The following RELN variants were observed in gnomAD, a reference collection of about 807,000 sequenced individuals.
RELN encodes the protein reelin.
A neutral mutation model predicts 427.6 loss-of-function variants in RELN; 108 were observed. That is an observed-to-expected ratio of 0.25 (90% CI 0.22 to 0.30). The LOEUF is 0.30. Among genes scored for constraint, RELN ranks in the 10% least tolerant of loss-of-function variants. RELN has a pLI of 1.00. For missense variants in RELN, 3,715 were observed against 4,302.8 expected (o/e 0.86, Z 3.82); for synonymous variants, 1,524 against 1,513.4 (o/e 1.01, Z -0.16).
chr7:103,698,124 C>T, intron 9 of RELN, 31 bp from the exon 10 acceptor site: 1 of 1,613,056 alleles, frequency 6.2e-7, no homozygotes, highest in South Asian at 1.1e-5. Context: ...GCAAGTTTAG[C>T]AATGCTGACT....
At chr7:103,540,661 G>C (rs1830158199) in intron 43 of RELN, among the ~76,000 whole-genome samples, 2 of 152,090 alleles carry the variant, frequency 1.3e-5, no homozygotes, top group African/African-American at 4.8e-5. Context: ...CTGAAAAAAG[G>C]CAATTCTGCA....
intron 22 of RELN, among the ~76,000 whole-genome samples, chr7:103,604,834 T>TC (rs1831778373): frequency 6.7e-6 from 1 of 150,158 alleles, no homozygotes; most frequent in Non-Finnish European, 1.5e-5. Context: ...TATCTTTCTT[T>TC]TTTTTTTTTT....
intron 8 of RELN, among the ~76,000 whole-genome samples, chr7:103,710,334 T>G (rs1450045841): frequency 1.3e-5 from 2 of 152,178 alleles, no homozygotes; most frequent in African/African-American, 4.8e-5. Context: ...AGAAGCTGAG[T>G]TGGAAATACA....
intron 20 of RELN, among the ~76,000 whole-genome samples, chr7:103,627,004 C>T (rs2117326544): frequency 6.6e-6 from 1 of 152,090 alleles, no homozygotes; most frequent in African/African-American, 2.4e-5. Flanking sequence ...GACTGTAGTT[C>T]TTCTAATGAA....
intron 42 of RELN, 103 bp downstream of exon 42, chr7:103,545,021 T>G: frequency 1.3e-5 from 11 of 824,710 alleles, no homozygotes; most frequent in Non-Finnish European, 1.8e-5. Flanking sequence ...GAAATAATAA[T>G]GAGATATTAG....
At chr7:103,516,218 A>G (rs939587548) in intron 49 of RELN, among the ~76,000 whole-genome samples, 1 of 151,906 alleles carries the variant, frequency 6.6e-6, no homozygotes, top group African/African-American at 2.4e-5. Context: ...TTGAATTTAT[A>G]TTCATAACTC....
At chr7:103,561,784 G>C in intron 35 of RELN, 29 bp downstream of exon 35, 1 of 1,613,852 alleles carries the variant, frequency 6.2e-7, no homozygotes, top group Non-Finnish European at 8.5e-7. Context: ...GCGTTACAAA[G>C]AAAGAAACTG....
chr7:103,909,151 C>G (rs917106713), intron 2 of RELN, among the ~76,000 whole-genome samples: 1 of 152,068 alleles, frequency 6.6e-6, no homozygotes, highest in South Asian at 2.1e-4. Context: ...GAATATTAAG[C>G]CCTAAATATG....
At position 103,640,453 on chromosome 7, in the gene RELN, C is replaced by A. The variant is rs1832673466; in HGVS notation, c.2069+90G>T. The stretch of plus-strand genomic sequence containing the variant: ...TTTTTGTCTTAAAAAGATCCCCGAT[C>A]CTAAAAAAGGTTATTAAATGACTTG... On this transcript the variant is annotated intron_variant, in intron 17 of 64. Transcript: ENST00000428762. The surrounding 1 kb of genome is among the most constrained non-coding windows in gnomAD (Gnocchi z 4.1). The A allele has an allele frequency of 9.2e-6, 12 of 1,308,528 alleles. No homozygotes were observed. Among genetic ancestry groups the A allele is most frequent in the Non-Finnish European group, 1.2e-5 (11 of 907,184 alleles). 81.1% of individuals were successfully genotyped at this position (1,308,528 alleles called of 1,614,324 possible).
intron 34 of RELN, among the ~76,000 whole-genome samples, chr7:103,564,025 C>T (rs560666333): frequency 5.3e-5 from 8 of 152,330 alleles, no homozygotes; most frequent in South Asian, 2.1e-4. Context: ...GTATCACCAT[C>T]GTTAAGTGAT....
chr7:103,565,978 T>TA (rs869215909), intron 33 of RELN, among the ~76,000 whole-genome samples: 3 of 130 alleles, frequency 0.023, no homozygotes, highest in Non-Finnish European at 0.034. Context: ...CTCTCATAGA[T>TA]TTTTTTGCTC....
At chr7:103,810,479 C>A (rs1368856729) in intron 3 of RELN, among the ~76,000 whole-genome samples, 4 of 152,154 alleles carry the variant, frequency 2.6e-5, no homozygotes, top group Non-Finnish European at 5.9e-5. Flanking sequence ...CAGTTTCTTG[C>A]ATATGTTGGA....
intron 2 of RELN, among the ~76,000 whole-genome samples, chr7:103,840,818 G>T (rs897071284): frequency 6.6e-6 from 1 of 152,032 alleles, no homozygotes; most frequent in African/African-American, 2.4e-5. Flanking sequence ...TGCTTTCCCT[G>T]CTGCATGCTG....
At chr7:103,581,379 G>T (rs1469921143) in intron 28 of RELN, among the ~76,000 whole-genome samples, 1 of 152,038 alleles carries the variant, frequency 6.6e-6, no homozygotes, top group Non-Finnish European at 1.5e-5. Flanking sequence ...TTTATGTTGG[G>T]TAAGGGTAAA....
At chr7:103,730,685 G>T (rs552630369) in intron 6 of RELN, among the ~76,000 whole-genome samples, 3 of 152,230 alleles carry the variant, frequency 2.0e-5, no homozygotes, top group Admixed American at 2.0e-4. Flanking sequence ...CCACTGTGTG[G>T]TTGCTACCTC....
In RELN at chr7:103,539,260, C is replaced by G. The variant is rs1419575828; in HGVS notation, c.6998G>C (p.Arg2333Thr). Residue 2333 changes from arginine to threonine, a missense_variant, in exon 45 of 65, where the codon AGG becomes ACG. Physicochemically the swap from Arg to Thr is moderately conservative, Grantham distance 71. Coordinates refer to ENST00000428762, the MANE Select transcript of RELN (RefSeq NM_005045.4). Reference sequence around the variant, plus strand: ...GCCTCCTGGGTGAAGCAGCCATTTCCTACTATCAAGGGTTGTGAAATCATC... The same window carrying G: ...GCCTCCTGGGTGAAGCAGCCATTTCGTACTATCAAGGGTTGTGAAATCATC... The part of the protein sequence containing the change: ...LEDDFTTLDS[R>T]KWLLHPGGTK... The G allele has an allele frequency of 6.2e-7, 1 of 1,614,200 alleles. No homozygotes were observed. Among genetic ancestry groups the G allele is most frequent in the Admixed American group, 1.7e-5 (1 of 60,026 alleles).
At chr7:103,955,142 T>C (rs902220195) in intron 1 of RELN, among the ~76,000 whole-genome samples, 1 of 152,170 alleles carries the variant, frequency 6.6e-6, no homozygotes, top group African/African-American at 2.4e-5. Context: ...TACCTCAACC[T>C]TAAACGAAAA....
intron 3 of RELN, among the ~76,000 whole-genome samples, chr7:103,783,897 A>G (rs184217544): frequency 9.2e-5 from 14 of 152,342 alleles, no homozygotes; most frequent in Admixed American, 9.2e-4. Context: ...AGTGTTTTTA[A>G]TAACATCACT....
At chr7:103,741,226 T>G (rs545755033) in intron 6 of RELN, among the ~76,000 whole-genome samples, 3 of 152,168 alleles carry the variant, frequency 2.0e-5, no homozygotes, top group Non-Finnish European at 4.4e-5. Flanking sequence ...AAATATTTCA[T>G]GGGGATATCT....
Sources: gnomAD v4.1 joint callset for allele counts (sites outside exome capture counted in the v4.1 genomes callset) on GRCh38, gnomAD v4.1.1 for gene constraint, Gnocchi (gnomAD v3.1) non-coding constraint, MANE v1.5 for transcripts, NCBI Gene and HGNC (gene_info 2026-07-23, HGNC 2026-07-21) for gene names.